The following DYTN variants were observed in gnomAD, a reference collection of about 807,000 sequenced individuals.
DYTN encodes the protein dystrotelin.
Under a neutral mutation model 69.6 loss-of-function variants are expected in DYTN, and 75 were observed. The ratio of observed to expected loss-of-function variants is 1.08; its 90% CI spans 0.89 to 1.31. The LOEUF (loss-of-function observed/expected upper bound fraction) is 1.31, where lower values mean the gene tolerates loss of function less well. Ranked by LOEUF, DYTN falls within the 50% of genes most tolerant of loss-of-function variation. The pLI is 0.00. For missense variants in DYTN, 726 were observed against 688.4 expected (o/e 1.05, Z -0.61); for synonymous variants, 252 against 249.1 (o/e 1.01, Z -0.11).
rs762575600 is a variant in DYTN at position 206,717,292 on chromosome 2, T to C, written c.19+969A>G. On this transcript the variant is annotated intron_variant, in intron 1 of 11. Transcript: ENST00000452335. The stretch of plus-strand genomic sequence containing the variant: ...TCCACAGATACTAAGGTGGATATAA[T>C]ACAATTCTTTCAAATGTCCATCATC... 6.9e-4 allele frequency among the ~76,000 whole-genome samples: 105 copies of C among 152,184 alleles called. 3 individuals are homozygous for C. Among genetic ancestry groups the C allele is most frequent in the Non-Finnish European group, 1.9e-4 (13 of 68,026 alleles).
chr2:206,660,121 A>C (rs1699496503), intron 11 of DYTN, among the ~76,000 whole-genome samples: 1 of 152,200 alleles, frequency 6.6e-6, no homozygotes, highest in Non-Finnish European at 1.5e-5. Context: ...TGAGATTGTG[A>C]GTGAAAGCAT....
At chr2:206,694,359 C>T (rs891082039) in intron 8 of DYTN, among the ~76,000 whole-genome samples, 57 of 152,050 alleles carry the variant, frequency 3.7e-4, no homozygotes, top group Non-Finnish European at 1.2e-4. Flanking sequence ...CAGGAAAAGA[C>T]ATGTTAAAAA....
Position 206,693,169 on chromosome 2 carries a change from A to T in DYTN, c.980+6T>A. 1 of 1,605,484 alleles carries T rather than the reference A, an allele frequency of 6.2e-7. No homozygotes were observed. Among genetic ancestry groups the T allele is most frequent in the Non-Finnish European group, 8.5e-7 (1 of 1,177,046 alleles). On this transcript the variant is annotated splice_donor_region_variant and intron_variant, in intron 9 of 11. Coordinates refer to ENST00000452335, the MANE Select transcript of DYTN (RefSeq NM_001093730.1). ...GTGGGATCAGCCAATCCTCGCAGCC[A>T]CTCACCTGGCCTGCGCATGGTGAGG...
chr2:206,710,496 C>T, intron 2 of DYTN, 28 bp downstream of exon 2: 1 of 1,590,508 alleles, frequency 6.3e-7, no homozygotes, highest in Non-Finnish European at 8.6e-7. Flanking sequence ...CAGATTATTT[C>T]AAATATTTCA....
intron 10 of DYTN, among the ~76,000 whole-genome samples, chr2:206,665,236 A>G (rs1699557096): frequency 6.6e-6 from 1 of 152,216 alleles, no homozygotes; most frequent in Non-Finnish European, 1.5e-5. Flanking sequence ...TGTGGAAAAT[A>G]TAGAGCAATG....
intron 9 of DYTN, among the ~76,000 whole-genome samples, chr2:206,676,719 G>C (rs914509923): frequency 6.6e-6 from 1 of 152,268 alleles, no homozygotes; most frequent in East Asian, 1.9e-4. Context: ...AGTGCCTATA[G>C]TTAACAGCAC....
rs561979026 is a variant in DYTN, at chr2:206,717,081, A to C, written c.19+1180T>G. ...ACACACACACACACACACACACAAA[A>C]CAAACTCAAGAAAGGAAGAAACTAC... On this transcript the variant is annotated intron_variant, in intron 1 of 11. Coordinates refer to ENST00000452335, the MANE Select transcript of DYTN (RefSeq NM_001093730.1). 7.8e-4 allele frequency among the ~76,000 whole-genome samples: 84 copies of C among 108,046 alleles called. No individual in the cohort carries two copies. In the South Asian group the frequency reaches 0.02, roughly 25 times the overall value. The allele number at this position is 108,046 out of a possible 152,430, so 70.9% of individuals were successfully genotyped here.
At chr2:206,667,064 T>C (rs1699581338) in intron 9 of DYTN, among the ~76,000 whole-genome samples, 1 of 151,966 alleles carries the variant, frequency 6.6e-6, no homozygotes, top group South Asian at 2.1e-4. Flanking sequence ...ATGAACCAAG[T>C]AGTCAAGGTA....
chr2:206,716,233 C>T (rs903277039), intron 1 of DYTN, among the ~76,000 whole-genome samples: 1 of 152,150 alleles, frequency 6.6e-6, no homozygotes, highest in Non-Finnish European at 1.5e-5. Flanking sequence ...AAAGTACTAG[C>T]TGTTACACAT....
intron 9 of DYTN, among the ~76,000 whole-genome samples, chr2:206,689,093 A>AGTTTAATTT (rs1699839086): frequency 6.6e-6 from 1 of 152,216 alleles, no homozygotes; most frequent in African/African-American, 2.4e-5. Flanking sequence ...CTTTTTAACT[A>AGTTTAATTT]TGTTTTCAAG....
intron 8 of DYTN, among the ~76,000 whole-genome samples, chr2:206,693,592 G>T (rs1699888035): frequency 6.6e-6 from 1 of 152,060 alleles, no homozygotes; most frequent in Non-Finnish European, 1.5e-5. Flanking sequence ...CCTAGAGGAG[G>T]GCATCAAAGA....
chr2:206,682,635 C>A (rs1319789980), intron 9 of DYTN, among the ~76,000 whole-genome samples: 3 of 152,072 alleles, frequency 2.0e-5, no homozygotes, highest in Non-Finnish European at 2.9e-5. Flanking sequence ...CTTTAACAAC[C>A]ATTAACATGC....
In DYTN at chr2:206,653,821, G is replaced by A. The variant is rs572448361; in HGVS notation, c.1634-1900C>T. 5.3e-5 allele frequency among the ~76,000 whole-genome samples: 8 copies of A among 152,172 alleles called. No individual in the cohort carries two copies. In the East Asian group the frequency reaches 7.7e-4, roughly 15 times the overall value. Reference sequence around the variant, plus strand: ...AAACAGAACTCTTGATTTGCCAACCGCATAACAGTTTTCCCAGCTTTCCCC... The same window carrying A: ...AAACAGAACTCTTGATTTGCCAACCACATAACAGTTTTCCCAGCTTTCCCC... On this transcript the variant is annotated intron_variant, in intron 11 of 11. Coordinates refer to ENST00000452335, the MANE Select transcript of DYTN (RefSeq NM_001093730.1).
intron 1 of DYTN, among the ~76,000 whole-genome samples, chr2:206,716,837 A>G (rs1185224825): frequency 2.6e-5 from 4 of 152,076 alleles, no homozygotes; most frequent in African/African-American, 9.7e-5. Flanking sequence ...TGCTCTTGGT[A>G]GAGGAGCGAC....
At position 206,662,994 on chromosome 2, in the gene DYTN, G is replaced by A. The variant is rs1284696894; in HGVS notation, c.1542C>T (p.Asn514=). 6.2e-7 allele frequency: 1 copy of A among 1,613,738 alleles called. No homozygotes were observed. The highest frequency in any genetic ancestry group is 8.5e-7 in the Non-Finnish European group (1 of 1,179,864). Residue 514 remains asparagine, a synonymous_variant, in exon 11 of 12, where the codon AAC becomes AAT. Coordinates refer to ENST00000452335, the MANE Select transcript of DYTN (RefSeq NM_001093730.1). ...CCAGCTCATCCTTTCTCTCCTTGAT[G>A]TTACCTGCCTCTTTCTTTTCCACGG... is the stretch of plus-strand genomic sequence containing the variant. ...LAAVEKKEAG[N]IKERKDELEE...
At chr2:206,680,521 T>C (rs576132797) in intron 9 of DYTN, among the ~76,000 whole-genome samples, 1 of 152,342 alleles carries the variant, frequency 6.6e-6, no homozygotes, top group African/African-American at 2.4e-5. Flanking sequence ...ACTTGCTTTT[T>C]TCTCTGATGC....
At chr2:206,665,315 T>G (rs1373806079) in intron 10 of DYTN, among the ~76,000 whole-genome samples, 1 of 152,200 alleles carries the variant, frequency 6.6e-6, no homozygotes, top group Non-Finnish European at 1.5e-5. Context: ...ATGGGTTTAT[T>G]ATTTTTATGT....
intron 9 of DYTN, among the ~76,000 whole-genome samples, chr2:206,692,039 C>T (rs758457844): frequency 6.6e-6 from 1 of 151,982 alleles, no homozygotes; most frequent in Non-Finnish European, 1.5e-5. Context: ...CTTTGGGAGG[C>T]CGAGGTGGGA....
intron 1 of DYTN, among the ~76,000 whole-genome samples, chr2:206,712,765 A>C (rs1700088843): frequency 1.3e-5 from 2 of 152,228 alleles, no homozygotes; most frequent in South Asian, 4.1e-4. Context: ...CAACTCTCCC[A>C]CTTCCATGGG....
Sources: gnomAD v4.1 joint callset for allele counts (sites outside exome capture counted in the v4.1 genomes callset) on GRCh38, gnomAD v4.1.1 for gene constraint, MANE v1.5 for transcripts, NCBI Gene and HGNC (gene_info 2026-07-23, HGNC 2026-07-21) for gene names.